Variants in PTPRM observed in about 807,000 individuals in gnomAD.
The protein encoded by PTPRM is protein tyrosine phosphatase receptor type M, also known as receptor-type tyrosine-protein phosphatase mu.
Under a neutral mutation model 186.7 loss-of-function variants are expected in PTPRM, and 47 were observed. That is an observed-to-expected ratio of 0.25 (90% CI 0.20 to 0.32). The LOEUF (loss-of-function observed/expected upper bound fraction) is 0.32. PTPRM is among the 10% of genes least tolerant of loss of function. PTPRM has a pLI of 1.00. For missense variants in PTPRM, 1,494 were observed against 1,865.0 expected, an observed-to-expected ratio of 0.80 and a Z score of 3.66; for synonymous variants, 668 against 674.9, an observed-to-expected ratio of 0.99 and a Z score of 0.16.
At position 8,315,583 on chromosome 18, in the gene PTPRM, A is replaced by G. The variant is rs561081399; in HGVS notation, c.2919+726A>G. Among the ~76,000 whole-genome samples the G allele has an allele frequency of 6.6e-5, 10 of 152,336 alleles. No individual in the cohort carries two copies. The South Asian group carries it at 2.1e-3, about 32-fold the overall frequency. On this transcript the variant is annotated intron_variant, in intron 21 of 32. Coordinates refer to ENST00000580170, the MANE Select transcript of PTPRM (RefSeq NM_001105244.2). ...GCTGTTACCTCCAAGGCCCGAGTTTATATTAAACAGATTTCTGCTCCCTTG... is the reference window on the plus strand; with the variant it reads ...GCTGTTACCTCCAAGGCCCGAGTTTGTATTAAACAGATTTCTGCTCCCTTG...
At chr18:8,394,731 A>C in intron 32 of PTPRM, 120 bp downstream of exon 32, 3 of 1,091,684 alleles carry the variant, frequency 2.7e-6, no homozygotes, top group Non-Finnish European at 3.7e-6. Flanking sequence ...CAAAATCACA[A>C]TGTAATCACT....
intron 1 of PTPRM, among the ~76,000 whole-genome samples, chr18:7,608,183 C>G (rs961389486): frequency 6.6e-6 from 1 of 152,198 alleles, no homozygotes; most frequent in African/African-American, 2.4e-5. Flanking sequence ...ACAGGATAGA[C>G]ATACCTTGAG....
At position 8,022,679 on chromosome 18, in the gene PTPRM, G is replaced by C. The variant is rs1600117504; in HGVS notation, c.1133-47007G>C. On this transcript the variant is annotated intron_variant, in intron 7 of 32. Transcript: ENST00000580170. ...TCCTAACTGCGCTCCTATTGATCTA[G>C]GTCCGTCTGTAACTTCCTCCAAGGT... is the stretch of plus-strand genomic sequence containing the variant. Among the ~76,000 whole-genome samples, 3 of 152,176 alleles carry C rather than the reference G, an allele frequency of 2.0e-5. No homozygotes were observed. In the East Asian group the frequency reaches 5.8e-4, roughly 29 times the overall value.
At chr18:8,362,123 A>G (rs1052933657) in intron 23 of PTPRM, among the ~76,000 whole-genome samples, 3 of 152,116 alleles carry the variant, frequency 2.0e-5, no homozygotes, top group Non-Finnish European at 2.9e-5. Context: ...GAAGGATCCA[A>G]GCAAGCCGCT....
intron 2 of PTPRM, among the ~76,000 whole-genome samples, chr18:7,871,475 A>G (rs945684392): frequency 8.5e-5 from 13 of 152,294 alleles, no homozygotes; most frequent in African/African-American, 3.1e-4. Context: ...ACTTAATTAC[A>G]CAGTTGCTTA....
intron 31 of PTPRM, among the ~76,000 whole-genome samples, chr18:8,392,878 A>G (rs899927849): frequency 2.0e-5 from 3 of 152,226 alleles, no homozygotes; most frequent in Non-Finnish European, 2.9e-5. Flanking sequence ...ATTATGTATA[A>G]GCTCACACTG....
intron 1 of PTPRM, among the ~76,000 whole-genome samples, chr18:7,586,577 T>C (rs533061534): frequency 6.2e-4 from 95 of 152,288 alleles, no homozygotes; most frequent in South Asian, 1.9e-3. Context: ...AGCAGGGAGC[T>C]GATACTGCTC....
intron 14 of PTPRM, among the ~76,000 whole-genome samples, chr18:8,203,414 C>T (rs2093885027): frequency 6.6e-6 from 1 of 152,080 alleles, no homozygotes; most frequent in South Asian, 2.1e-4. Flanking sequence ...AGGTTGGTGT[C>T]ATTAAAGGAA....
At chr18:8,171,811 C>T (rs2093405117) in intron 14 of PTPRM, among the ~76,000 whole-genome samples, 2 of 152,160 alleles carry the variant, frequency 1.3e-5, no homozygotes, top group African/African-American at 2.4e-5. Flanking sequence ...ATTGCACCTA[C>T]CCTACCCAAC....
chr18:7,603,149 C>A (rs903357753), intron 1 of PTPRM, among the ~76,000 whole-genome samples: 1 of 151,872 alleles, frequency 6.6e-6, no homozygotes, highest in Non-Finnish European at 1.5e-5. Context: ...GGGATGGTCT[C>A]GATCTCCTGG....
intron 1 of PTPRM, among the ~76,000 whole-genome samples, chr18:7,620,765 G>A (rs1020291177): frequency 6.6e-6 from 1 of 151,930 alleles, no homozygotes; most frequent in Non-Finnish European, 1.5e-5. Context: ...ATTCCAAGAT[G>A]TACACTCTTT....
At chr18:8,353,146 G>A (rs1017987661) in intron 23 of PTPRM, among the ~76,000 whole-genome samples, 3 of 152,186 alleles carry the variant, frequency 2.0e-5, no homozygotes, top group African/African-American at 7.2e-5. Flanking sequence ...ACAGGAAGGG[G>A]AGGAAATGGC....
intron 1 of PTPRM, among the ~76,000 whole-genome samples, chr18:7,745,746 A>G (rs2040972731): frequency 6.6e-6 from 1 of 152,212 alleles, no homozygotes; most frequent in Non-Finnish European, 1.5e-5. Context: ...ATATAAGGGC[A>G]TCTAGAAAAA....
intron 2 of PTPRM, among the ~76,000 whole-genome samples, chr18:7,842,129 G>A (rs2046356159): frequency 2.0e-5 from 3 of 152,110 alleles, no homozygotes; most frequent in African/African-American, 7.2e-5. Flanking sequence ...TTTTCTTTTA[G>A]ACCCACTTTC....
At chr18:8,282,023 A>G in intron 19 of PTPRM, among the ~76,000 whole-genome samples, 1 of 152,174 alleles carries the variant, frequency 6.6e-6, no homozygotes, top group East Asian at 1.9e-4. Context: ...GGGGGAAAAT[A>G]TTTACAAACT....
At chr18:8,132,327 G>C (rs772214503) in intron 13 of PTPRM, among the ~76,000 whole-genome samples, 1 of 152,098 alleles carries the variant, frequency 6.6e-6, no homozygotes, top group Non-Finnish European at 1.5e-5. Context: ...ATGCACACAC[G>C]TGCACATAGG....
chr18:7,745,359 C>A (rs1453225966), intron 1 of PTPRM, among the ~76,000 whole-genome samples: 1 of 152,134 alleles, frequency 6.6e-6, no homozygotes, highest in Non-Finnish European at 1.5e-5. Flanking sequence ...GCATTTGGGG[C>A]CACTTTTTTC....
In PTPRM at chr18:8,378,415, G is replaced by GT. The variant is rs1568864666; in HGVS notation, c.3612+2dup. ...AAGCCAGATTAAAGAGGAATTCCGG[G>GT]TAAGTGATGCCTAAGGGAGGGGCAC... On this transcript the variant is annotated splice_donor_variant, in intron 27 of 32. Transcript: ENST00000580170. LOFTEE classifies it high-confidence loss of function. 6.2e-7 allele frequency: 1 copy of GT among 1,614,020 alleles called. No homozygotes were observed. Among genetic ancestry groups the GT allele is most frequent in the African/African-American group, 1.3e-5 (1 of 75,042 alleles).
At chr18:8,369,094 C>G (rs2095649145) in intron 23 of PTPRM, among the ~76,000 whole-genome samples, 1 of 152,092 alleles carries the variant, frequency 6.6e-6, no homozygotes, top group South Asian at 2.1e-4. Context: ...ATATTCTGAA[C>G]AGAAGGAATG....
Sources: gnomAD v4.1 joint callset for allele counts (sites outside exome capture counted in the v4.1 genomes callset) on GRCh38, gnomAD v4.1.1 for gene constraint, MANE v1.5 for transcripts, NCBI Gene and HGNC (gene_info 2026-07-23, HGNC 2026-07-21) for gene names.